Variants in XPO6 observed in about 807,000 individuals in gnomAD.
The protein encoded by XPO6 is exportin-6.
Under a neutral mutation model 130.0 loss-of-function variants are expected in XPO6, and 3 were observed. The ratio of observed to expected loss-of-function variants is 0.02; its 90% confidence interval spans 0.01 to 0.06. The LOEUF is 0.06. XPO6 is among the 10% of genes least tolerant of loss of function. XPO6 has a pLI of 1.00. For synonymous variants in XPO6, 524 were observed against 548.9 expected (o/e 0.95, Z 0.63); for missense variants, 970 against 1,393.0 (o/e 0.70, Z 4.83).
At chr16:28,121,854 G>T in intron 13 of XPO6, 92 bp from the exon 14 acceptor site, 1 of 791,112 alleles carries the variant, frequency 1.3e-6, no homozygotes, top group Non-Finnish European at 2.1e-6. Flanking sequence ...AGAGCGTAAG[G>T]GCAGACTTTT....
intron 21 of XPO6, among the ~76,000 whole-genome samples, chr16:28,102,785 A>G (rs1002909035): frequency 6.6e-6 from 1 of 152,030 alleles, no homozygotes; most frequent in African/African-American, 2.4e-5. Context: ...GGGCAAAAAG[A>G]AACACCCCGC....
chr16:28,177,049 G>C (rs74014244), intron 3 of XPO6, among the ~76,000 whole-genome samples, 171 bp downstream of exon 3: 8,208 of 152,226 alleles, frequency 0.054, 566 homozygotes, highest in East Asian at 0.17. Context: ...TAGTGTGGAA[G>C]ATGGAAGATG....
intron 8 of XPO6, 182 bp from the exon 9 acceptor site, chr16:28,146,385 TACAAG>T (rs1293029979): frequency 1.8e-6 from 1 of 558,388 alleles, no homozygotes; most frequent in Non-Finnish European, 3.2e-6. Context: ...TCCTGAACCT[TACAAG>T]ACAAGGGTAC....
chr16:28,131,105 C>A (rs1228852598), intron 12 of XPO6, among the ~76,000 whole-genome samples: 1 of 152,240 alleles, frequency 6.6e-6, no homozygotes, highest in African/African-American at 2.4e-5. Context: ...GTGGTGACAG[C>A]ACATTTTATA....
chr16:28,210,647 G>C (rs950720100), intron 1 of XPO6, among the ~76,000 whole-genome samples: 1 of 152,182 alleles, frequency 6.6e-6, no homozygotes, highest in Non-Finnish European at 1.5e-5. Flanking sequence ...TACACAAAGA[G>C]ATGTGAGTAC....
chr16:28,139,983 G>A (rs1487788271), intron 9 of XPO6, among the ~76,000 whole-genome samples: 1 of 152,206 alleles, frequency 6.6e-6, no homozygotes, highest in Non-Finnish European at 1.5e-5. Flanking sequence ...TGTAATCCCA[G>A]CACTTTGGGA....
intron 1 of XPO6, among the ~76,000 whole-genome samples, chr16:28,197,699 G>C (rs1036336042): frequency 6.6e-6 from 1 of 151,496 alleles, no homozygotes; most frequent in Non-Finnish European, 1.5e-5. Flanking sequence ...GGCAGATCAC[G>C]AGGTCAGGAG....
At chr16:28,107,395 C>G (rs1048598119) in intron 18 of XPO6, 127 bp downstream of exon 18, 4 of 1,133,738 alleles carry the variant, frequency 3.5e-6, no homozygotes, top group Non-Finnish European at 5.1e-6. Context: ...CCCTCAGTAC[C>G]GGGTTTCGTT....
chr16:28,106,617 A>T lies in XPO6; in HGVS notation c.2498-120T>A, dbSNP rs897485656. ...AGCTTTCTCTACAGCTTCCTGCTGG[A>T]AACATTTCCCCAACACCATCAGGGC... On this transcript the variant is annotated intron_variant, in intron 18 of 23. Transcript: ENST00000304658. The surrounding 1 kb of genome is among the most constrained non-coding windows in gnomAD (Gnocchi z 4.2). The T allele has an allele frequency of 4.5e-5, 34 of 749,448 alleles. No homozygotes were observed. Among genetic ancestry groups the T allele is most frequent in the Non-Finnish European group, 7.4e-5 (33 of 445,884 alleles). 46.4% of individuals were successfully genotyped at this position (749,448 alleles called of 1,614,324 possible). A position where few individuals can be genotyped will look rare whatever the true frequency, so the allele number is the denominator to read the frequency against.
At chr16:28,206,616 C>A (rs1319226862) in intron 1 of XPO6, among the ~76,000 whole-genome samples, 1 of 152,132 alleles carries the variant, frequency 6.6e-6, no homozygotes, top group Non-Finnish European at 1.5e-5. Flanking sequence ...CTACCTATTT[C>A]TTTATACTAC....
Position 28,101,990 on chromosome 16 carries a change from T to A in XPO6, c.2947-45A>T, listed in dbSNP as rs530480058. On this transcript the variant is annotated intron_variant, in intron 21 of 23. Coordinates refer to ENST00000304658, the MANE Select transcript of XPO6 (RefSeq NM_015171.4). This position sits in a 1 kb window ranked among gnomAD's most constrained non-coding sequence, Gnocchi z 5.4. The stretch of plus-strand genomic sequence containing the variant: ...TTTTATAAACTGCAAGACCAAGCAC[T>A]TCTGGAGCATCTACCCCATGTCAGA... 2 of 1,527,384 alleles carry A rather than the reference T, an allele frequency of 1.3e-6. No homozygotes were observed. Among genetic ancestry groups the A allele is most frequent in the South Asian group, 2.3e-5 (2 of 87,144 alleles). The allele number at this position is 1,527,384 out of a possible 1,614,324, so 94.6% of individuals were successfully genotyped here. A position where few individuals can be genotyped will look rare whatever the true frequency, so the allele number is the denominator to read the frequency against.
Position 28,132,027 on chromosome 16 carries a change from C to T in XPO6, c.1606+307G>A, listed in dbSNP as rs1341293874. 2.0e-5 allele frequency among the ~76,000 whole-genome samples: 3 copies of T among 152,194 alleles called. No homozygotes were observed. The highest frequency in any genetic ancestry group is 2.9e-5 in the Non-Finnish European group (2 of 68,038). The stretch of plus-strand genomic sequence containing the variant: ...CAAGGCCATGTTCTCCCTAGTACAC[C>T]TGCTGGTTGAAAGGACATAAGGAAA... On this transcript the variant is annotated intron_variant, in intron 12 of 23. Coordinates refer to ENST00000304658, the MANE Select transcript of XPO6 (RefSeq NM_015171.4). The surrounding 1 kb of genome is among the most constrained non-coding windows in gnomAD (Gnocchi z 4.0).
At chr16:28,141,385 T>G (rs954412232) in intron 9 of XPO6, among the ~76,000 whole-genome samples, 8 of 152,130 alleles carry the variant, frequency 5.3e-5, no homozygotes, top group African/African-American at 1.9e-4. Flanking sequence ...GAGCCGGAAG[T>G]GAGAGAGAAA....
chr16:28,157,210 A>G (rs1442834600), intron 6 of XPO6, among the ~76,000 whole-genome samples: 1 of 152,200 alleles, frequency 6.6e-6, no homozygotes, highest in Non-Finnish European at 1.5e-5. Context: ...TAATCACAGC[A>G]CTTTGGGAGG....
chr16:28,101,903 T>C lies in XPO6; in HGVS notation c.2989A>G (p.Lys997Glu). 6.2e-7 allele frequency: 1 copy of C among 1,614,102 alleles called. No homozygotes were observed. The highest frequency in any genetic ancestry group is 8.5e-7 in the Non-Finnish European group (1 of 1,180,018). ...SFLQPDIHLF[K>E]QNLFYLETLN... ...GTCTCCAAGTAGAAGAGATTTTGTT[T>C]AAAAAGGTGGATGTCGGGCTGGAGA... is the stretch of plus-strand genomic sequence containing the variant. Residue 997 changes from lysine to glutamate, a missense_variant, in exon 22 of 24, where the codon AAA becomes GAA. Lys to Glu is a moderately conservative substitution (Grantham distance 56). Transcript: ENST00000304658. The surrounding 1 kb of genome is among the most constrained non-coding windows in gnomAD (Gnocchi z 5.4).
At chr16:28,190,662 A>C (rs897068302) in intron 1 of XPO6, among the ~76,000 whole-genome samples, 1 of 152,250 alleles carries the variant, frequency 6.6e-6, no homozygotes, top group Non-Finnish European at 1.5e-5. Flanking sequence ...ACAAAACTGG[A>C]ATACAGGTGG....
At position 28,211,406 on chromosome 16, in the gene XPO6, T is replaced by G. The variant is rs1463474212; in HGVS notation, c.-38A>C. 7.6e-7 allele frequency: 1 copy of G among 1,311,834 alleles called. No homozygotes were observed. The highest frequency in any genetic ancestry group is 1.5e-5 in the African/African-American group (1 of 66,374). The allele number at this position is 1,311,834 out of a possible 1,614,324, so 81.3% of individuals were successfully genotyped here. A position where few individuals can be genotyped will look rare whatever the true frequency, so the allele number is the denominator to read the frequency against. On this transcript the variant is annotated 5_prime_UTR_variant, in exon 1 of 24. Transcript: ENST00000304658. ...GGGGGCGGCTCAGATGAGCTGGTTC[T>G]TGGGCTTCGGACACGTCCCGCTCGC...
At chr16:28,121,265 T>A (rs758308095) in intron 14 of XPO6, among the ~76,000 whole-genome samples, 10 of 152,244 alleles carry the variant, frequency 6.6e-5, no homozygotes, top group Non-Finnish European at 1.5e-4. Flanking sequence ...TTCTTCTGCA[T>A]CCTACAGTAT....
At position 28,156,132 on chromosome 16, in the gene XPO6, T is replaced by G. The variant is rs766221334; in HGVS notation, c.1039A>C (p.Ile347Leu). ...GTGTGGGCATTGTTATCCTTGGTGA[T>G]TTTCTGCAGGAGGTAGAAAGTCTGC... ...FQQTFYLLQK[I>L]TKDNNAHTVK... is the part of the protein sequence containing the mutation. Residue 347 changes from isoleucine to leucine, a missense_variant, in exon 7 of 24, where the codon ATC becomes CTC. Physicochemically the swap from Ile to Leu is conservative, Grantham distance 5. Transcript: ENST00000304658. 1.9e-6 allele frequency: 3 copies of G among 1,613,930 alleles called. No homozygotes were observed. Among genetic ancestry groups the G allele is most frequent in the Non-Finnish European group, 2.5e-6 (3 of 1,179,886 alleles).
Sources: allele counts gnomAD v4.1 joint callset (sites outside exome capture counted in the v4.1 genomes callset), GRCh38; gene constraint gnomAD v4.1.1; non-coding constraint Gnocchi (gnomAD v3.1); transcripts MANE v1.5; gene names NCBI Gene and HGNC (gene_info 2026-07-23, HGNC 2026-07-21).